The following CHD7 variants were observed in gnomAD, a reference collection of about 807,000 sequenced individuals.
CHD7 encodes chromodomain helicase DNA binding protein 7.
Under a neutral mutation model 307.3 loss-of-function variants are expected in CHD7, and 24 were observed. The ratio of observed to expected loss-of-function variants is 0.08; its 90% CI spans 0.06 to 0.11. The LOEUF (loss-of-function observed/expected upper bound fraction) is 0.11. Among genes scored for constraint, CHD7 ranks in the 10% least tolerant of loss-of-function variants. The pLI, the probability that CHD7 is intolerant of heterozygous loss-of-function variation, is 1.00. For missense variants in CHD7, 3,106 were observed against 3,727.1 expected (o/e 0.83, Z 4.34); for synonymous variants, 1,363 against 1,349.9 (o/e 1.01, Z -0.21).
intron 2 of CHD7, among the ~76,000 whole-genome samples, chr8:60,760,169 T>G (rs1810108047): frequency 6.6e-6 from 1 of 152,172 alleles, no homozygotes; most frequent in African/African-American, 2.4e-5. Context: ...GGCTTTGGGA[T>G]TGACTTCATA....
At chr8:60,688,193 G>A (rs1354265707) in intron 1 of CHD7, among the ~76,000 whole-genome samples, 3 of 152,212 alleles carry the variant, frequency 2.0e-5, no homozygotes, top group Admixed American at 6.5e-5. Flanking sequence ...TTCTGAGGCG[G>A]CTGAGAATTT....
intron 2 of CHD7, among the ~76,000 whole-genome samples, chr8:60,771,690 GGAA>G (rs76605451): frequency 1.1e-4 from 1 of 9,010 alleles, no homozygotes; most frequent in South Asian, 0.016. Context: ...TGACTGGGGA[GGAA>G]TCCATGTTCA....
chr8:60,750,739 C>A (rs1452720637), intron 2 of CHD7, among the ~76,000 whole-genome samples: 10 of 152,178 alleles, frequency 6.6e-5, no homozygotes, highest in Non-Finnish European at 1.5e-4. Context: ...AGTGACCACA[C>A]ATGGCTGGTG....
At chr8:60,689,215 G>A (rs1464605038) in intron 1 of CHD7, among the ~76,000 whole-genome samples, 1 of 152,230 alleles carries the variant, frequency 6.6e-6, no homozygotes, top group African/African-American at 2.4e-5. Flanking sequence ...GGATTTATGG[G>A]AGATCCTTGT....
At chr8:60,704,245 C>T (rs1161774382) in intron 1 of CHD7, among the ~76,000 whole-genome samples, 1 of 152,096 alleles carries the variant, frequency 6.6e-6, no homozygotes, top group Non-Finnish European at 1.5e-5. Context: ...GGGCTGGGCA[C>T]CATGATGAGT....
intron 7 of CHD7, among the ~76,000 whole-genome samples, chr8:60,814,950 T>G (rs1477469837): frequency 2.0e-5 from 3 of 152,214 alleles, no homozygotes; most frequent in Non-Finnish European, 2.9e-5. Flanking sequence ...AATGCTCCAT[T>G]GAGCATTTCC....
At chr8:60,799,563 A>G (rs1812195685) in intron 4 of CHD7, among the ~76,000 whole-genome samples, 1 of 152,274 alleles carries the variant, frequency 6.6e-6, no homozygotes, top group African/African-American at 2.4e-5. Context: ...ATTAAAATAC[A>G]AAAACCTTTT....
chr8:60,828,584 G>T, intron 13 of CHD7, 79 bp from the exon 14 acceptor site: 2 of 1,326,352 alleles, frequency 1.5e-6, no homozygotes, highest in East Asian at 2.5e-5. Context: ...TAGAACAATG[G>T]GTGTCTAGTG....
chr8:60,850,444 CCTTT>C (rs1563657228), intron 25 of CHD7, 45 bp from the exon 26 acceptor site: 1 of 1,566,810 alleles, frequency 6.4e-7, no homozygotes, highest in Admixed American at 1.7e-5. Flanking sequence ...AGTGATGGGG[CCTTT>C]CTTTGTTTCT....
At position 60,822,483 on chromosome 8, in the gene CHD7, A is replaced by G; in HGVS notation, c.2958-20A>G. 1.2e-6 allele frequency: 2 copies of G among 1,610,504 alleles called. No homozygotes were observed. Among genetic ancestry groups the G allele is most frequent in the Non-Finnish European group, 1.7e-6 (2 of 1,177,358 alleles). ...ATATCCATACTCATTAAACTTTTGT[A>G]CTTCATTTTCCTCCTAAAGGCGAAA... On this transcript the variant is annotated intron_variant, in intron 11 of 37. Transcript: ENST00000423902.
At chr8:60,810,707 T>G (rs984737106) in intron 7 of CHD7, among the ~76,000 whole-genome samples, 5 of 152,200 alleles carry the variant, frequency 3.3e-5, no homozygotes, top group Non-Finnish European at 7.3e-5. Context: ...GGTTAGCTTT[T>G]TGTCTTTAGT....
chr8:60,713,119 TTTG>T (rs1477677387), intron 1 of CHD7, among the ~76,000 whole-genome samples: 6 of 151,986 alleles, frequency 3.9e-5, no homozygotes, highest in Non-Finnish European at 7.4e-5. Flanking sequence ...CATTTTGTTT[TTTG>T]TTGTTGTTGG....
intron 1 of CHD7, among the ~76,000 whole-genome samples, chr8:60,709,509 A>C (rs1342234142): frequency 6.6e-6 from 1 of 152,198 alleles, no homozygotes; most frequent in Non-Finnish European, 1.5e-5. Context: ...AATGAGTGTC[A>C]TTGTTGCTTT....
At position 60,742,343 on chromosome 8, in the gene CHD7, T is replaced by C. The variant is rs537091457; in HGVS notation, c.911T>C (p.Ile304Thr). The change falls in exon 2 of 38, where the codon ATA becomes ACA. Residue 304 changes from isoleucine (I) to threonine (T), a missense_variant. Around this residue, in one of 10 missense-constraint regions of CHD7, gnomAD observed 998 missense variants for 1,004.5 expected, o/e 0.99. Coordinates refer to ENST00000423902, the MANE Select transcript of CHD7 (RefSeq NM_017780.4). ...SRSQTVPSPTINNSGQYSRYP... is the reference protein window; with the variant it reads ...SRSQTVPSPTTNNSGQYSRYP... ...AGCCAGACAGTCCCCTCTCCTACTA[T>C]AAACAACTCAGGGCAGTATTCTCGA... 11 of 1,613,880 alleles carry C rather than the reference T, an allele frequency of 6.8e-6. No homozygotes were observed. In the African/African-American group the frequency reaches 1.3e-4, roughly 20 times the overall value.
chr8:60,853,010 G>T lies in CHD7; in HGVS notation c.6285G>T (p.Arg2095=), dbSNP rs1805530901. ...TGCCAGAGTGGTGGGAGTGTGGACG[G>T]CATGACCGAGACTTGCTGGTTGGTG... ...LDLPEWWECG[R]HDRDLLVGAA... Residue 2095 remains arginine (R), a synonymous_variant, in exon 31 of 38, where the codon CGG becomes CGT. Coordinates refer to ENST00000423902, the MANE Select transcript of CHD7 (RefSeq NM_017780.4). 2 of 1,614,024 alleles carry T rather than the reference G, an allele frequency of 1.2e-6. No individual in the cohort carries two copies. Among genetic ancestry groups the T allele is most frequent in the Non-Finnish European group, 1.7e-6 (2 of 1,179,894 alleles).
chr8:60,683,972 T>TCACTTTA (rs1342471327), intron 1 of CHD7, among the ~76,000 whole-genome samples: 1 of 152,176 alleles, frequency 6.6e-6, no homozygotes, highest in African/African-American at 2.4e-5. Context: ...TTTCAAGATT[T>TCACTTTA]GACAACTGTT....
rs375374735 is a variant in CHD7, at chr8:60,848,519, C to T, written c.5215C>T (p.Leu1739=). 17 of 1,612,700 alleles carry T rather than the reference C, an allele frequency of 1.1e-5. No homozygotes were observed. The highest frequency in any genetic ancestry group is 1.4e-5 in the Non-Finnish European group (17 of 1,179,268). Residue 1739 remains leucine, a synonymous_variant, in exon 24 of 38, where the codon CTG becomes TTG. Coordinates refer to ENST00000423902, the MANE Select transcript of CHD7 (RefSeq NM_017780.4). ...CCCCTCTGTCTTCCTCTCCAGGGTC[C>T]TGCTGCGTGTCCGCATGCTGTACTA... ...KHLKHHCNKV[L]LRVRMLYYLR...
intron 1 of CHD7, among the ~76,000 whole-genome samples, chr8:60,724,898 T>C (rs1418859990): frequency 6.6e-6 from 1 of 152,184 alleles, no homozygotes; most frequent in African/African-American, 2.4e-5. Flanking sequence ...CTATTAGATA[T>C]ATGAAATTGA....
intron 1 of CHD7, among the ~76,000 whole-genome samples, chr8:60,692,281 G>A (rs144712727): frequency 3.9e-5 from 6 of 152,286 alleles, no homozygotes; most frequent in East Asian, 1.9e-4. Flanking sequence ...CTGATTAAGC[G>A]TTTGAAACCA....
Sources: allele counts gnomAD v4.1 joint callset (sites outside exome capture counted in the v4.1 genomes callset), GRCh38; gene constraint gnomAD v4.1.1; regional missense constraint gnomAD v4.1.1; transcripts MANE v1.5; gene names NCBI Gene and HGNC (gene_info 2026-07-23, HGNC 2026-07-21).